CACNA2D2: variants seen among roughly 807,000 people sequenced by gnomAD.
CACNA2D2 encodes voltage-dependent calcium channel subunit alpha-2/delta-2.
In CACNA2D2, 48 loss-of-function variants were observed where a neutral mutation model predicts 166.4. That is an observed-to-expected ratio of 0.29 (90% CI 0.23 to 0.37). The LOEUF (loss-of-function observed/expected upper bound fraction) is 0.37, where lower values mean the gene tolerates loss of function less well. CACNA2D2 is among the 10% of genes least tolerant of loss of function. The pLI is 1.00. For missense variants in CACNA2D2, 1,122 were observed against 1,433.0 expected (o/e 0.78, Z 3.50); for synonymous variants, 561 against 573.7 (o/e 0.98, Z 0.32).
intron 2 of CACNA2D2, among the ~76,000 whole-genome samples, chr3:50,436,727 T>C (rs1359016311): frequency 6.6e-6 from 1 of 152,210 alleles, no homozygotes; most frequent in Non-Finnish European, 1.5e-5. Context: ...GATGGAATCA[T>C]AGTCCCTCCC....
rs761154992 is a variant in CACNA2D2 at position 50,368,119 on chromosome 3, T to C, written c.2143+19A>G. 9 of 1,575,112 alleles carry C rather than the reference T, an allele frequency of 5.7e-6. No homozygotes were observed. The highest frequency in any genetic ancestry group is 7.9e-6 in the Non-Finnish European group (9 of 1,144,644). ...TGCCTGGGCACTGCCCAGAGCCAGCTGCCCTGCCAGGCACTCACACTGCTT... is the reference window on the plus strand; with the variant it reads ...TGCCTGGGCACTGCCCAGAGCCAGCCGCCCTGCCAGGCACTCACACTGCTT... On this transcript the variant is annotated intron_variant, in intron 24 of 37. Transcript: ENST00000424201.
intron 2 of CACNA2D2, among the ~76,000 whole-genome samples, chr3:50,440,231 C>T (rs1708525190): frequency 6.6e-6 from 1 of 152,244 alleles, no homozygotes; most frequent in Non-Finnish European, 1.5e-5. Flanking sequence ...CAGGAGGGGG[C>T]TAAGGCCTGT....
chr3:50,493,710 G>T (rs762233427), intron 1 of CACNA2D2, among the ~76,000 whole-genome samples: 3 of 152,232 alleles, frequency 2.0e-5, no homozygotes, highest in Non-Finnish European at 2.9e-5. Flanking sequence ...TCTTGAGGGG[G>T]TCGCAGTCAG....
intron 1 of CACNA2D2, among the ~76,000 whole-genome samples, chr3:50,476,804 C>A (rs896090661): frequency 6.6e-6 from 1 of 152,132 alleles, no homozygotes; most frequent in African/African-American, 2.4e-5. Context: ...TGCTGGATGT[C>A]CAGCAGGAAT....
Position 50,367,880 on chromosome 3 carries a change from G to A in CACNA2D2, c.2166C>T (p.Asn722=), listed in dbSNP as rs760007972. 3.7e-6 allele frequency: 5 copies of A among 1,362,368 alleles called. No homozygotes were observed. The East Asian group carries it at 1.8e-4, about 50-fold the overall frequency. 84.4% of individuals were successfully genotyped at this position (1,362,368 alleles called of 1,614,324 possible). A position where few individuals can be genotyped will look rare whatever the true frequency, so the allele number is the denominator to read the frequency against. ...GCGTGATGCCCGTGTCCAAGATCAG[G>A]TTGTGCAGAAGGAAGTTGTTGCCTG... is the stretch of plus-strand genomic sequence containing the variant. ...SKQCNNFLLH[N]LILDTGITQQ... The change falls in exon 25 of 38, where the codon AAC becomes AAT. Residue 722 remains asparagine (N), a synonymous_variant. Transcript: ENST00000424201. This position sits in a 1 kb window ranked among gnomAD's most constrained non-coding sequence, Gnocchi z 6.5.
intron 2 of CACNA2D2, among the ~76,000 whole-genome samples, chr3:50,454,536 G>C (rs1024396941): frequency 1.3e-5 from 2 of 152,198 alleles, no homozygotes; most frequent in African/African-American, 4.8e-5. Flanking sequence ...ATCTCCAACT[G>C]CAAACACTAA....
chr3:50,476,251 C>A (rs747526685), intron 1 of CACNA2D2, 52 bp from the exon 2 acceptor site: 66 of 1,450,956 alleles, frequency 4.5e-5, no homozygotes, highest in Non-Finnish European at 6.0e-5. Context: ...CAGAGCTGCA[C>A]AGCCCCACCC....
At position 50,379,278 on chromosome 3, in the gene CACNA2D2, T is replaced by TG; in HGVS notation, c.1153-80dup. 4 of 1,450,714 alleles carry TG rather than the reference T, an allele frequency of 2.8e-6. No homozygotes were observed. The highest frequency in any genetic ancestry group is 3.9e-6 in the Non-Finnish European group (4 of 1,037,496). The allele number at this position is 1,450,714 out of a possible 1,614,324, so 89.9% of individuals were successfully genotyped here. On this transcript the variant is annotated intron_variant, in intron 11 of 37. Coordinates refer to ENST00000424201, the MANE Select transcript of CACNA2D2 (RefSeq NM_006030.4). The surrounding 1 kb of genome is among the most constrained non-coding windows in gnomAD (Gnocchi z 6.5). Reference sequence around the variant, plus strand: ...CAGGGCCTCCCTCCCGCAGTGGGCCTGGACCTCTGGCCCTCCTCCCCCACA... The same window carrying TG: ...CAGGGCCTCCCTCCCGCAGTGGGCCTGGGACCTCTGGCCCTCCTCCCCCACA...
chr3:50,500,157 C>T (rs1365641339), intron 1 of CACNA2D2, among the ~76,000 whole-genome samples: 3 of 152,240 alleles, frequency 2.0e-5, no homozygotes, highest in African/African-American at 4.8e-5. Context: ...GTTGTAGGCA[C>T]TGCTCCCCAT....
At chr3:50,438,534 A>G (rs1373275824) in intron 2 of CACNA2D2, among the ~76,000 whole-genome samples, 1 of 152,180 alleles carries the variant, frequency 6.6e-6, no homozygotes, top group Non-Finnish European at 1.5e-5. Context: ...GGACCCTTGC[A>G]GGAATGGTGA....
chr3:50,498,628 G>A (rs566568668), intron 1 of CACNA2D2, among the ~76,000 whole-genome samples: 10 of 152,320 alleles, frequency 6.6e-5, no homozygotes, highest in South Asian at 6.2e-4. Flanking sequence ...TCAGCACTGG[G>A]GCTATAAGCA....
intron 1 of CACNA2D2, among the ~76,000 whole-genome samples, chr3:50,489,685 A>G (rs980281186): frequency 2.6e-5 from 4 of 152,014 alleles, no homozygotes; most frequent in Non-Finnish European, 4.4e-5. Flanking sequence ...CCTCTCCCCT[A>G]CTCAACTCCT....
chr3:50,490,693 T>C (rs889224952), intron 1 of CACNA2D2, among the ~76,000 whole-genome samples: 4 of 152,218 alleles, frequency 2.6e-5, no homozygotes, highest in Non-Finnish European at 5.9e-5. Context: ...GCACAGACCA[T>C]GGGCTCCCTG....
At chr3:50,400,633 A>C (rs1372917151) in intron 3 of CACNA2D2, among the ~76,000 whole-genome samples, 1 of 152,194 alleles carries the variant, frequency 6.6e-6, no homozygotes, top group Non-Finnish European at 1.5e-5. Flanking sequence ...AGGGTCCGTG[A>C]CTTACGTGCT....
chr3:50,385,811 A>G (rs1705571682), intron 5 of CACNA2D2, among the ~76,000 whole-genome samples: 1 of 152,202 alleles, frequency 6.6e-6, no homozygotes, highest in African/African-American at 2.4e-5. Flanking sequence ...CGTTCCGCTC[A>G]GAGGAGGGGG....
rs1697747100 is a variant in CACNA2D2, at chr3:50,476,108, C to A, written c.288+10G>T. The A allele has an allele frequency of 1.3e-6, 2 of 1,590,248 alleles. No individual in the cohort carries two copies. Among genetic ancestry groups the A allele is most frequent in the Admixed American group, 1.7e-5 (1 of 57,772 alleles). On this transcript the variant is annotated intron_variant, in intron 2 of 37. Transcript: ENST00000424201. ...GTCCCTGAAGAGACAGCAAGTGGCA[C>A]CGGGCTCACCTCACGGAGCTGCTGG...
chr3:50,452,901 C>A (rs1709170037), intron 2 of CACNA2D2, among the ~76,000 whole-genome samples: 1 of 152,332 alleles, frequency 6.6e-6, no homozygotes, highest in African/African-American at 2.4e-5. Flanking sequence ...CACTCAAGAA[C>A]CTTGACCCCC....
At chr3:50,452,339 C>G (rs190823990) in intron 2 of CACNA2D2, among the ~76,000 whole-genome samples, 14 of 152,352 alleles carry the variant, frequency 9.2e-5, no homozygotes, top group African/African-American at 3.4e-4. Context: ...TGCACATGAC[C>G]TCCATCTCAG....
chr3:50,464,231 G>A (rs964685586), intron 2 of CACNA2D2, among the ~76,000 whole-genome samples: 10 of 152,200 alleles, frequency 6.6e-5, no homozygotes, highest in Admixed American at 6.5e-4. Flanking sequence ...CTTCAGAAGT[G>A]GCCCAAGATT....
Sources: allele counts gnomAD v4.1 joint callset (sites outside exome capture counted in the v4.1 genomes callset), GRCh38; gene constraint gnomAD v4.1.1; non-coding constraint Gnocchi (gnomAD v3.1); transcripts MANE v1.5; gene names NCBI Gene and HGNC (gene_info 2026-07-23, HGNC 2026-07-21).